The following IFT25 variants were observed in gnomAD, a reference collection of about 807,000 sequenced individuals.
The protein encoded by IFT25 is intraflagellar transport protein 25 homolog.
chr1:53,942,257 G>A, the IFT25 span, among the ~76,000 whole-genome samples: 1 of 152,148 alleles, frequency 6.6e-6, no homozygotes, highest in East Asian at 1.9e-4. Flanking sequence ...ACAAGGGTTG[G>A]TCTAAATCAG....
the IFT25 span, among the ~76,000 whole-genome samples, chr1:53,941,089 G>C: frequency 1.3e-5 from 2 of 152,012 alleles, no homozygotes; most frequent in African/African-American, 4.8e-5. Flanking sequence ...CTGCCTTCCG[G>C]TTTCAAGCAA....
the IFT25 span, among the ~76,000 whole-genome samples, chr1:53,914,483 ATATAAAATTCATATCCCAT>A: frequency 4.6e-5 from 7 of 152,002 alleles, no homozygotes; most frequent in African/African-American, 1.7e-4. Flanking sequence ...ATATGTATAT[ATATAAAATTCATATCCCAT>A]TATAAAATGA....
At chr1:53,920,296 CTTTTA>C in the IFT25 span, among the ~76,000 whole-genome samples, 1 of 151,402 alleles carries the variant, frequency 6.6e-6, no homozygotes. Flanking sequence ...TTGTTTTGGT[CTTTTA>C]TTTTTTCTCT....
the IFT25 span, among the ~76,000 whole-genome samples, chr1:53,913,316 C>T: frequency 2.0e-5 from 3 of 152,210 alleles, no homozygotes; most frequent in African/African-American, 4.8e-5. Context: ...CCTGATCCTG[C>T]TTCTCTCACT....
the IFT25 span, among the ~76,000 whole-genome samples, chr1:53,918,340 T>C: frequency 6.6e-6 from 1 of 152,248 alleles, no homozygotes; most frequent in Admixed American, 6.5e-5. Context: ...TGAGGAGCCC[T>C]GCTACCTGTT....
chr1:53,916,936 G>A, the IFT25 span: 2 of 359,244 alleles, frequency 5.6e-6, no homozygotes, highest in Middle Eastern at 7.1e-4. Context: ...GAGGTCTGGA[G>A]TTCGAGACCA....
the IFT25 span, among the ~76,000 whole-genome samples, chr1:53,915,512 A>G: frequency 1.3e-5 from 2 of 152,234 alleles, no homozygotes; most frequent in Admixed American, 6.5e-5. Context: ...ATGAAGAGTC[A>G]GGTATAAGAA....
the IFT25 span, among the ~76,000 whole-genome samples, chr1:53,913,783 G>A: frequency 1.8e-4 from 28 of 152,272 alleles, no homozygotes; most frequent in Admixed American, 3.3e-4. Context: ...TGATAAGACA[G>A]GAATAGTGTC....
the IFT25 span, among the ~76,000 whole-genome samples, chr1:53,918,131 C>A: frequency 6.6e-6 from 1 of 152,238 alleles, no homozygotes; most frequent in Admixed American, 6.5e-5. Flanking sequence ...ACTCCTCCTA[C>A]ATACCCATCT....
the IFT25 span, among the ~76,000 whole-genome samples, chr1:53,940,736 G>T: frequency 6.6e-6 from 1 of 151,832 alleles, no homozygotes; most frequent in African/African-American, 2.4e-5. Flanking sequence ...TAGAAATAGG[G>T]TCTCACTCTG....
chr1:53,923,360 C>T, the IFT25 span, among the ~76,000 whole-genome samples: 2 of 152,262 alleles, frequency 1.3e-5, no homozygotes, highest in South Asian at 2.1e-4. Flanking sequence ...CCAGGAATAG[C>T]GGAACTCCTG....
At chr1:53,945,006 T>C in the IFT25 span, among the ~76,000 whole-genome samples, 1 of 152,146 alleles carries the variant, frequency 6.6e-6, no homozygotes, top group Non-Finnish European at 1.5e-5. Context: ...ATTGGGAACG[T>C]GGTGTACTTT....
the IFT25 span, among the ~76,000 whole-genome samples, chr1:53,936,368 T>C: frequency 2.6e-5 from 4 of 152,214 alleles, no homozygotes; most frequent in Admixed American, 6.5e-5. Context: ...GAGAATCGCT[T>C]GAACCCAGGA....
the IFT25 span, among the ~76,000 whole-genome samples, chr1:53,935,267 T>G: frequency 6.6e-6 from 1 of 152,174 alleles, no homozygotes; most frequent in African/African-American, 2.4e-5. Flanking sequence ...GAGACAAGAT[T>G]GCGCCACTGC....
chr1:53,924,452 T>C, the IFT25 span, among the ~76,000 whole-genome samples: 8 of 152,242 alleles, frequency 5.3e-5, no homozygotes, highest in Non-Finnish European at 1.2e-4. Flanking sequence ...TGTTTCCTTA[T>C]GTAATTTTAG....
At chr1:53,940,218 A>G in the IFT25 span, 1 of 599,554 alleles carries the variant, frequency 1.7e-6, no homozygotes, top group Non-Finnish European at 2.9e-6. Flanking sequence ...GCTATTCAAC[A>G]TGTGGGAGGG....
chr1:53,922,962 A>C, the IFT25 span, among the ~76,000 whole-genome samples: 2 of 152,212 alleles, frequency 1.3e-5, no homozygotes, highest in African/African-American at 2.4e-5. Context: ...AATTTTCTAT[A>C]ATGCTGTAAC....
chr1:53,916,683 T>C, the IFT25 span: 1 of 318,584 alleles, frequency 3.1e-6, no homozygotes, highest in African/African-American at 2.2e-5. Flanking sequence ...AAGCCTGTGA[T>C]CTAGCCGTAA....
the IFT25 span, chr1:53,928,951 T>C: frequency 2.0e-5 from 3 of 153,212 alleles, no homozygotes; most frequent in African/African-American, 7.2e-5. Context: ...CCTCCACGAT[T>C]AATGAGAGAA....
Sources: gnomAD v4.1 joint callset for allele counts (sites outside exome capture counted in the v4.1 genomes callset) on GRCh38, gnomAD v4.1.1 for gene constraint, MANE v1.5 for transcripts, NCBI Gene and HGNC (gene_info 2026-07-23, HGNC 2026-07-21) for gene names.